The following RPL35 variants were observed in gnomAD, a reference collection of about 807,000 sequenced individuals.
The protein encoded by RPL35 is ribosomal protein L35.
RPL35 carries 2 observed loss-of-function variants against 15.6 expected under a neutral mutation model. The ratio of observed to expected loss-of-function variants is 0.13; its 90% CI spans 0.05 to 0.40. The LOEUF is 0.40. Ranked by LOEUF, RPL35 falls within the 10% of genes least tolerant of loss-of-function variation. RPL35 has a pLI of 0.99. For missense variants in RPL35, 111 were observed against 164.7 expected (o/e 0.67, Z 1.79); for synonymous variants, 93 against 67.9 (o/e 1.37, Z -1.82).
At chr9:124,861,130 G>A (rs1483388827) in intron 2 of RPL35, 57 of 394,404 alleles carry the variant, frequency 1.4e-4, no homozygotes, top group Non-Finnish European at 4.6e-5. Flanking sequence ...CCACCCACCT[G>A]CCAAGGGGGT....
At chr9:124,861,249 G>A (rs1052952761) in intron 2 of RPL35, 170 bp downstream of exon 2, 1 of 823,312 alleles carries the variant, frequency 1.2e-6, no homozygotes, top group Non-Finnish European at 1.9e-6. Flanking sequence ...GGACCGCAAG[G>A]TCAAGGCAGG....
chr9:124,858,431 C>A (rs1179854409), intron 3 of RPL35: 3 of 711,760 alleles, frequency 4.2e-6, no homozygotes, highest in African/African-American at 1.7e-5. Flanking sequence ...GCAGCACCCA[C>A]CAAGCCCCGG....
At position 124,860,189 on chromosome 9, in the gene RPL35, G is replaced by A. The variant is rs755158380; in HGVS notation, c.216C>T (p.Phe72=). The stretch of plus-strand genomic sequence containing the variant: ...TATGTCCAGGCAGACTCACCTTGTA[G>A]AATTTCCTGAGGTTTTCTTTCTGAG... ...NQTQKENLRK[F]YKGKKYKPLD... The change falls in exon 3 of 4, where the codon TTC becomes TTT. Residue 72 remains phenylalanine, a synonymous_variant. Transcript: ENST00000348462. 4 of 1,612,966 alleles carry A rather than the reference G, an allele frequency of 2.5e-6. No individual in the cohort carries two copies. In the East Asian group the frequency reaches 8.9e-5, roughly 36 times the overall value.
intron 3 of RPL35, among the ~76,000 whole-genome samples, chr9:124,859,111 A>G (rs1374352460): frequency 1.3e-5 from 2 of 152,208 alleles, no homozygotes; most frequent in Non-Finnish European, 2.9e-5. Context: ...TGCTGACATT[A>G]AAGGTTTACT....
Position 124,861,955 on chromosome 9 carries a change from G to A in RPL35, c.-43C>T, listed in dbSNP as rs200535493. ...ACGCCGCCGCCCGCTCCGAGGGAAA[G>A]AGGAAGTAGGCGGGGCTGACCTCCG... On this transcript the variant is annotated 5_prime_UTR_variant, in exon 1 of 4. Transcript: ENST00000348462. 387 of 1,591,468 alleles carry A rather than the reference G, an allele frequency of 2.4e-4. No homozygotes were observed. In the African/African-American group the frequency reaches 4.0e-3, roughly 16 times the overall value.
Position 124,858,072 on chromosome 9 carries a change from G to A in RPL35, c.223-5C>T, listed in dbSNP as rs776560403. The A allele has an allele frequency of 3.5e-5, 57 of 1,611,698 alleles. 2 individuals are homozygous for A. The South Asian group carries it at 5.9e-4, about 17-fold the overall frequency. On this transcript the variant is annotated splice_region_variant and splice_polypyrimidine_tract_variant and intron_variant, in intron 3 of 3. Coordinates refer to ENST00000348462, the MANE Select transcript of RPL35 (RefSeq NM_007209.4). ...CAGGGGCTTGTACTTCTTGCCCTGG[G>A]AGACAGACGGCAGGGTGAATCCAAG...
At chr9:124,861,382 C>T in intron 2 of RPL35, 37 bp downstream of exon 2, 1 of 1,590,836 alleles carries the variant, frequency 6.3e-7, no homozygotes. Context: ...CACGTGCTCC[C>T]CACCCACGAG....
chr9:124,860,142 G>T, intron 3 of RPL35, 41 bp downstream of exon 3: 1 of 1,481,516 alleles, frequency 6.7e-7, no homozygotes, highest in South Asian at 1.1e-5. Context: ...CTAGCACTTG[G>T]CTTCCTGCAG....
intron 2 of RPL35, chr9:124,861,217 C>T (rs925489900): frequency 4.7e-6 from 3 of 635,576 alleles, no homozygotes; most frequent in East Asian, 2.9e-5. Context: ...GATGGGTCTC[C>T]GGGGATGCAT....
At chr9:124,861,289 A>AT (rs1031881701) in intron 2 of RPL35, 130 bp downstream of exon 2, 16 of 1,198,734 alleles carry the variant, frequency 1.3e-5, no homozygotes, top group Middle Eastern at 5.9e-4. Context: ...CGGGTCTCCC[A>AT]TGCGCGCCAG....
At position 124,857,903 on chromosome 9, in the gene RPL35, T is replaced by C. The variant is rs1197390704; in HGVS notation, c.*15A>G. ...AGCAGTCTCAGCCAGCTGTGCTTTA[T>C]TGACAATGCGCCCCTCAGGCCTTGA... is the stretch of plus-strand genomic sequence containing the variant. On this transcript the variant is annotated 3_prime_UTR_variant, in exon 4 of 4. Transcript: ENST00000348462. 6 of 1,611,376 alleles carry C rather than the reference T, an allele frequency of 3.7e-6. No homozygotes were observed. The highest frequency in any genetic ancestry group is 2.2e-5 in the East Asian group (1 of 44,860).
At position 124,861,929 on chromosome 9, in the gene RPL35, A is replaced by T; in HGVS notation, c.-17T>A. 1.2e-6 allele frequency: 2 copies of T among 1,600,056 alleles called. No homozygotes were observed. The highest frequency in any genetic ancestry group is 1.7e-6 in the Non-Finnish European group (2 of 1,174,200). On this transcript the variant is annotated 5_prime_UTR_variant, in exon 1 of 4. Coordinates refer to ENST00000348462, the MANE Select transcript of RPL35 (RefSeq NM_007209.4). ...TCTCACCATTGCTGCACAAGCCGCC[A>T]ACGCCGCCGCCCGCTCCGAGGGAAA...
chr9:124,859,081 C>G (rs902758148), intron 3 of RPL35, among the ~76,000 whole-genome samples: 1 of 152,234 alleles, frequency 6.6e-6, no homozygotes, highest in Non-Finnish European at 1.5e-5. Context: ...AACAGAGCAG[C>G]CACTAGCCAC....
intron 3 of RPL35, 154 bp from the exon 4 acceptor site, chr9:124,858,221 TC>T: frequency 5.9e-6 from 4 of 679,852 alleles, no homozygotes; most frequent in Non-Finnish European, 9.9e-6. Flanking sequence ...ACTCAATTAA[TC>T]CCCCCAAATC....
intron 3 of RPL35, among the ~76,000 whole-genome samples, chr9:124,859,731 C>T (rs1459254104): frequency 3.3e-5 from 5 of 152,152 alleles, no homozygotes; most frequent in Non-Finnish European, 5.9e-5. Context: ...ACACTAAAGC[C>T]GACCCTCCCC....
chr9:124,861,499 C>T lies in RPL35; in HGVS notation c.60G>A (p.Gln20=), dbSNP rs764283533. 5 of 1,613,960 alleles carry T rather than the reference C, an allele frequency of 3.1e-6. No individual in the cohort carries two copies. In the African/African-American group the frequency reaches 5.3e-5, roughly 17 times the overall value. Residue 20 remains glutamine (Q), a synonymous_variant, in exon 2 of 4, where the codon CAG becomes CAA. Coordinates refer to ENST00000348462, the MANE Select transcript of RPL35 (RefSeq NM_007209.4). ...RGKKKEELLK[Q]LDDLKVELSQ... ...ACAGCTCCACCTTCAGGTCGTCCAG[C>T]TGTTTCAGCAGCTCCTCCTTCTTCT...
chr9:124,858,124 CA>C, intron 3 of RPL35, 57 bp from the exon 4 acceptor site: 1 of 1,576,018 alleles, frequency 6.3e-7, no homozygotes, highest in Non-Finnish European at 8.6e-7. Context: ...GCTACTGCAG[CA>C]GCTAAGGGGG....
chr9:124,859,097 T>C (rs1021913964), intron 3 of RPL35, among the ~76,000 whole-genome samples: 2 of 152,254 alleles, frequency 1.3e-5, no homozygotes, highest in Non-Finnish European at 2.9e-5. Flanking sequence ...GCCACACACG[T>C]AGCTGCTGAC....
In RPL35 at chr9:124,861,935, G is replaced by A. The variant is rs781659874; in HGVS notation, c.-23C>T. On this transcript the variant is annotated 5_prime_UTR_variant, in exon 1 of 4. Coordinates refer to ENST00000348462, the MANE Select transcript of RPL35 (RefSeq NM_007209.4). ...CATTGCTGCACAAGCCGCCAACGCC[G>A]CCGCCCGCTCCGAGGGAAAGAGGAA... 33 of 1,598,084 alleles carry A rather than the reference G, an allele frequency of 2.1e-5. No homozygotes were observed. The highest frequency in any genetic ancestry group is 1.4e-4 in the African/African-American group (10 of 73,980).
Sources: allele counts gnomAD v4.1 joint callset (sites outside exome capture counted in the v4.1 genomes callset), GRCh38; gene constraint gnomAD v4.1.1; transcripts MANE v1.5; gene names NCBI Gene and HGNC (gene_info 2026-07-23, HGNC 2026-07-21).